Variants in LRRC69 observed in about 807,000 individuals in gnomAD.
LRRC69 encodes the protein leucine-rich repeat-containing protein 69.
A neutral mutation model predicts 37.8 loss-of-function variants in LRRC69; 42 were observed. That is an observed-to-expected ratio of 1.11 (90% CI 0.87 to 1.44). The LOEUF (loss-of-function observed/expected upper bound fraction) is 1.44. Among genes scored for constraint, LRRC69 ranks in the 40% most tolerant of loss-of-function variants. The pLI is 0.00. For synonymous variants in LRRC69, 141 were observed against 143.1 expected (o/e 0.99, Z 0.11); for missense variants, 357 against 401.9 (o/e 0.89, Z 0.96).
At chr8:91,183,130 G>A (rs1347760722) in intron 5 of LRRC69, among the ~76,000 whole-genome samples, 1 of 152,326 alleles carries the variant, frequency 6.6e-6, no homozygotes, top group Non-Finnish European at 1.5e-5. Context: ...TATGGGAGCA[G>A]GCTGTGGCCC....
intron 1 of LRRC69, among the ~76,000 whole-genome samples, chr8:91,115,077 A>C (rs1028192739): frequency 6.6e-6 from 1 of 151,674 alleles, no homozygotes; most frequent in Non-Finnish European, 1.5e-5. Context: ...GTCAAAGGGC[A>C]CAAAGTTTCA....
intron 5 of LRRC69, among the ~76,000 whole-genome samples, chr8:91,156,233 A>G (rs1368307612): frequency 6.6e-6 from 1 of 150,942 alleles, no homozygotes; most frequent in Non-Finnish European, 1.5e-5. Flanking sequence ...TATTTGTTAC[A>G]ACAAATTCAA....
At chr8:91,132,306 G>A (rs1813822796) in intron 3 of LRRC69, among the ~76,000 whole-genome samples, 1 of 151,984 alleles carries the variant, frequency 6.6e-6, no homozygotes, top group Non-Finnish European at 1.5e-5. Context: ...TTTAAAATAA[G>A]AGTAGTAATT....
intron 5 of LRRC69, among the ~76,000 whole-genome samples, chr8:91,144,692 A>G (rs1326173419): frequency 6.6e-6 from 1 of 151,494 alleles, no homozygotes; most frequent in Non-Finnish European, 1.5e-5. Context: ...AATGATTTTG[A>G]TCCACACCAG....
chr8:91,109,107 T>G (rs1813368604), intron 1 of LRRC69, among the ~76,000 whole-genome samples: 1 of 152,044 alleles, frequency 6.6e-6, no homozygotes, highest in South Asian at 2.1e-4. Context: ...TTCATTATCC[T>G]GTTTTGTTGT....
At chr8:91,110,983 A>G (rs1586223021) in intron 1 of LRRC69, among the ~76,000 whole-genome samples, 1 of 152,100 alleles carries the variant, frequency 6.6e-6, no homozygotes, top group Non-Finnish European at 1.5e-5. Flanking sequence ...TGACTATTCC[A>G]TAGTTTGAGT....
At chr8:91,112,352 A>C (rs1813423332) in intron 1 of LRRC69, among the ~76,000 whole-genome samples, 1 of 151,998 alleles carries the variant, frequency 6.6e-6, no homozygotes, top group Non-Finnish European at 1.5e-5. Flanking sequence ...ACCAAGGGGC[A>C]TCCCCTTGGC....
chr8:91,207,507 G>A (rs896092849), intron 7 of LRRC69, among the ~76,000 whole-genome samples: 3 of 152,198 alleles, frequency 2.0e-5, no homozygotes, highest in Admixed American at 1.3e-4. Flanking sequence ...TCCAGTAAAT[G>A]GGATAGTCCC....
intron 6 of LRRC69, among the ~76,000 whole-genome samples, chr8:91,195,361 C>T (rs534448068): frequency 0.017 from 2,545 of 150,544 alleles, 56 homozygotes; most frequent in African/African-American, 0.058. Context: ...CTATTAGGTC[C>T]GCTTGGTGCA....
At chr8:91,192,616 A>C (rs1342969537) in intron 6 of LRRC69, among the ~76,000 whole-genome samples, 4 of 151,802 alleles carry the variant, frequency 2.6e-5, no homozygotes, top group Non-Finnish European at 5.9e-5. Flanking sequence ...GCATTTTTTC[A>C]TGTGTTTTTT....
At chr8:91,147,623 C>G (rs1808645356) in intron 5 of LRRC69, among the ~76,000 whole-genome samples, 2 of 151,630 alleles carry the variant, frequency 1.3e-5, no homozygotes, top group Admixed American at 6.6e-5. Context: ...TCTGTTTTTT[C>G]TTTTGAAATA....
chr8:91,189,699 C>A, intron 6 of LRRC69, 76 bp downstream of exon 6: 2 of 987,454 alleles, frequency 2.0e-6, no homozygotes, highest in South Asian at 1.7e-5. Flanking sequence ...TCTTTTAAAA[C>A]ATTCTTGCCA....
intron 5 of LRRC69, among the ~76,000 whole-genome samples, chr8:91,149,450 G>A (rs1341428327): frequency 6.6e-6 from 1 of 151,934 alleles, no homozygotes; most frequent in Non-Finnish European, 1.5e-5. Flanking sequence ...CTATATCTCT[G>A]TTTTGGTACC....
At chr8:91,103,506 TGAGGTTGAGA>T (rs559109741) in intron 1 of LRRC69, among the ~76,000 whole-genome samples, 28 of 152,054 alleles carry the variant, frequency 1.8e-4, no homozygotes, top group Admixed American at 3.9e-4. Flanking sequence ...CCAAAAATCT[TGAGGTTGAGA>T]GAAGGCAAGG....
At chr8:91,171,203 A>G (rs975018691) in intron 5 of LRRC69, among the ~76,000 whole-genome samples, 2 of 152,006 alleles carry the variant, frequency 1.3e-5, no homozygotes, top group Non-Finnish European at 1.5e-5. Flanking sequence ...GTGTTTCTCA[A>G]CCATTTTTAC....
chr8:91,129,429 T>G (rs1338244648), intron 3 of LRRC69, among the ~76,000 whole-genome samples: 1 of 152,020 alleles, frequency 6.6e-6, no homozygotes, highest in African/African-American at 2.4e-5. Context: ...CTCTCCCTGC[T>G]CTTTACTCAC....
intron 5 of LRRC69, chr8:91,138,648 A>C (rs1416881982): frequency 6.6e-6 from 1 of 151,826 alleles, no homozygotes; most frequent in East Asian, 1.9e-4. Flanking sequence ...GTAAATTTAC[A>C]GTAAAAAATT....
At chr8:91,138,066 A>G (rs1808451539) in intron 5 of LRRC69, among the ~76,000 whole-genome samples, 1 of 152,016 alleles carries the variant, frequency 6.6e-6, no homozygotes, top group African/African-American at 2.4e-5. Context: ...TCATCTATAT[A>G]ACGACAATAT....
intron 5 of LRRC69, among the ~76,000 whole-genome samples, chr8:91,151,391 T>A (rs904295775): frequency 6.6e-6 from 1 of 151,796 alleles, no homozygotes; most frequent in Non-Finnish European, 1.5e-5. Context: ...TGTAGTTGAG[T>A]GGTTTTGAGT....
Sources: allele counts gnomAD v4.1 joint callset (sites outside exome capture counted in the v4.1 genomes callset), GRCh38; gene constraint gnomAD v4.1.1; transcripts MANE v1.5; gene names NCBI Gene and HGNC (gene_info 2026-07-23, HGNC 2026-07-21).